DHRS12: variants seen among roughly 807,000 people sequenced by gnomAD.
DHRS12 encodes dehydrogenase/reductase SDR family member 12.
A neutral mutation model predicts 32.1 loss-of-function variants in DHRS12; 29 were observed. The ratio of observed to expected loss-of-function variants is 0.90; its 90% CI spans 0.67 to 1.23. The LOEUF is 1.23. DHRS12 is among the 50% of genes most tolerant of loss of function. DHRS12 has a pLI of 0.00. For synonymous variants in DHRS12, 150 were observed against 135.9 expected, an observed-to-expected ratio of 1.10 and a Z score of -0.72; for missense variants, 330 against 337.2, an observed-to-expected ratio of 0.98 and a Z score of 0.17.
At chr13:51,791,829 C>T (rs1002973381) in intron 2 of DHRS12, among the ~76,000 whole-genome samples, 4 of 152,222 alleles carry the variant, frequency 2.6e-5, no homozygotes, top group Non-Finnish European at 4.4e-5. Context: ...ACTATGGCTA[C>T]CTCACATAAG....
At chr13:51,761,009 G>A in the DHRS12 span, 1 of 152,208 alleles carries the variant, frequency 6.6e-6, no homozygotes, top group Non-Finnish European at 1.5e-5. Flanking sequence ...CATCATCTCT[G>A]AACTTGAACA....
In DHRS12 at chr13:51,790,015, A is replaced by C; in HGVS notation, c.297T>G (p.Thr99=). 1 of 1,603,244 alleles carries C rather than the reference A, an allele frequency of 6.2e-7. No homozygotes were observed. The highest frequency in any genetic ancestry group is 1.3e-5 in the African/African-American group (1 of 74,204). Residue 99 remains threonine, a synonymous_variant, in exon 4 of 9, where the codon ACT becomes ACG. Transcript: ENST00000444610. ...AAGAAAACTTCTTGTACTTACCCAG[A>C]GTATTGGCAGCAAAGTTTTTTTCAA... ...DGLEKNFAAN[T]LGVYILTTGL...
intron 6 of DHRS12, among the ~76,000 whole-genome samples, chr13:51,773,619 C>T (rs964086015): frequency 2.6e-5 from 4 of 152,114 alleles, no homozygotes; most frequent in African/African-American, 4.8e-5. Flanking sequence ...GACCGCTCGC[C>T]GTCCTCATTC....
At chr13:51,765,385 TAA>T (rs904359507), downstream of DHRS12, 3 of 152,180 alleles carry the variant, frequency 2.0e-5, no homozygotes, top group Admixed American at 2.0e-4. Flanking sequence ...AAGCAGTGTC[TAA>T]AAATTAGATC....
At chr13:51,759,759 T>A in the DHRS12 span, 1 of 1,614,120 alleles carries the variant, frequency 6.2e-7, no homozygotes, top group African/African-American at 1.3e-5. Context: ...ATGACCCCAG[T>A]CGTGTCTTGA....
intron 7 of DHRS12, among the ~76,000 whole-genome samples, chr13:51,770,514 C>T (rs1318707883): frequency 6.6e-6 from 1 of 152,246 alleles, no homozygotes; most frequent in African/African-American, 2.4e-5. Context: ...CCTGGACAGG[C>T]AGAACCAAGC....
chr13:51,774,188 C>T (rs544499976), intron 5 of DHRS12, 154 bp from the exon 6 acceptor site: 1 of 629,866 alleles, frequency 1.6e-6, no homozygotes, highest in African/African-American at 1.8e-5. Context: ...TATTCTCCTA[C>T]AGTACATGTA....
intron 4 of DHRS12, among the ~76,000 whole-genome samples, chr13:51,788,598 A>C (rs1955107111): frequency 6.6e-6 from 1 of 151,948 alleles, no homozygotes; most frequent in Non-Finnish European, 1.5e-5. Flanking sequence ...TAATCCCAAT[A>C]CTTTGGGAGG....
At chr13:51,756,502 G>T in the DHRS12 span, 4 of 1,593,604 alleles carry the variant, frequency 2.5e-6, no homozygotes, top group South Asian at 2.3e-5. Context: ...AGGTTAAGGC[G>T]AGAATTTAAT....
chr13:51,790,712 T>C (rs1289333618), intron 3 of DHRS12, among the ~76,000 whole-genome samples: 1 of 151,940 alleles, frequency 6.6e-6, no homozygotes, highest in Non-Finnish European at 1.5e-5. Flanking sequence ...CCAAGTAGAG[T>C]ATCTGGGAAG....
chr13:51,771,277 G>A, intron 7 of DHRS12: 4 of 1,554,820 alleles, frequency 2.6e-6, no homozygotes, highest in Non-Finnish European at 3.5e-6. Context: ...GAGCTGCAGA[G>A]AGCCCAGGTG....
downstream of DHRS12, chr13:51,766,438 T>G (rs1334697607): frequency 1.3e-5 from 2 of 152,226 alleles, no homozygotes; most frequent in Non-Finnish European, 2.9e-5. Context: ...TTTCTTTTTT[T>G]AAAGTGAGGA....
At chr13:51,756,457 T>C in the DHRS12 span, 2 of 1,613,704 alleles carry the variant, frequency 1.2e-6, no homozygotes, top group Non-Finnish European at 1.7e-6. Flanking sequence ...CCATCACAGA[T>C]GAAGAGTAAG....
At chr13:51,768,871 C>T (rs563167803) in intron 8 of DHRS12, 51 of 1,371,314 alleles carry the variant, frequency 3.7e-5, no homozygotes, top group Admixed American at 6.9e-5. Flanking sequence ...CCTCAGCAAA[C>T]TGCAGAGAAA....
rs112114779 is a variant in DHRS12 at position 51,782,433 on chromosome 13, C to T, written c.302-5312G>A. Among the ~76,000 whole-genome samples, 38 of 152,256 alleles carry T rather than the reference C, an allele frequency of 2.5e-4. No homozygotes were observed. Among genetic ancestry groups the T allele is most frequent in the African/African-American group, 8.2e-4 (34 of 41,548 alleles). On this transcript the variant is annotated intron_variant, in intron 4 of 8. Transcript: ENST00000444610. This position sits in a 1 kb window ranked among gnomAD's most constrained non-coding sequence, Gnocchi z 4.2. Reference sequence around the variant, plus strand: ...ATCACAGGTGGCTTGGAGGCCATCGCGCTATGGGAGCACGGACAGCTGTGC... The same window carrying T: ...ATCACAGGTGGCTTGGAGGCCATCGTGCTATGGGAGCACGGACAGCTGTGC...
intron 4 of DHRS12, among the ~76,000 whole-genome samples, chr13:51,781,811 CA>C (rs1215672697): frequency 6.6e-6 from 1 of 152,140 alleles, no homozygotes; most frequent in African/African-American, 2.4e-5. Context: ...CATATGAAAC[CA>C]AGGGGTGACT....
chr13:51,755,496 A>G, the DHRS12 span: 2 of 1,585,948 alleles, frequency 1.3e-6, no homozygotes, highest in South Asian at 2.2e-5. Context: ...ATGTAATTAT[A>G]TGGAAATAGC....
the DHRS12 span, chr13:51,759,712 A>C: frequency 1.2e-6 from 2 of 1,613,566 alleles, no homozygotes; most frequent in Non-Finnish European, 1.7e-6. Flanking sequence ...ATTTTAGTTC[A>C]TTCTGTATCT....
At chr13:51,799,460 G>A (rs1245985789) in intron 2 of DHRS12, 74 bp downstream of exon 2, 2 of 1,580,224 alleles carry the variant, frequency 1.3e-6, no homozygotes, top group Admixed American at 1.7e-5. Flanking sequence ...GTGACACAGG[G>A]TGCCCTCCTC....
Sources: gnomAD v4.1 joint callset for allele counts (sites outside exome capture counted in the v4.1 genomes callset) on GRCh38, gnomAD v4.1.1 for gene constraint, Gnocchi (gnomAD v3.1) non-coding constraint, MANE v1.5 for transcripts, NCBI Gene and HGNC (gene_info 2026-07-23, HGNC 2026-07-21) for gene names.